The following ZSWIM9 variants were observed in gnomAD, a reference collection of about 807,000 sequenced individuals.
ZSWIM9 encodes the protein uncharacterized protein ZSWIM9.
A neutral mutation model predicts 25.0 loss-of-function variants in ZSWIM9; 11 were observed. That is an observed-to-expected ratio of 0.44 (90% CI 0.28 to 0.73). The LOEUF is 0.73. Ranked by LOEUF, ZSWIM9 falls within the 30% of genes least tolerant of loss-of-function variation. The pLI, the probability that ZSWIM9 is intolerant of heterozygous loss-of-function variation, is 0.16. For missense variants in ZSWIM9, 1,070 were observed against 1,296.5 expected (o/e 0.83, Z 2.68); for synonymous variants, 562 against 582.1 (o/e 0.97, Z 0.50).
intron 3 of ZSWIM9, among the ~76,000 whole-genome samples, chr19:48,191,575 T>C (rs1336793737): frequency 1.3e-5 from 2 of 152,214 alleles, no homozygotes; most frequent in African/African-American, 4.8e-5. Context: ...GTGAACATTC[T>C]GATCACATGG....
At position 48,196,323 on chromosome 19, in the gene ZSWIM9, C is replaced by G. The variant is rs1443747254; in HGVS notation, c.2259C>G (p.Asp753Glu). The G allele has an allele frequency of 8.9e-6, 11 of 1,233,134 alleles. No homozygotes were observed. Among genetic ancestry groups the G allele is most frequent in the Admixed American group, 4.2e-5 (1 of 23,712 alleles). 76.4% of individuals were successfully genotyped at this position (1,233,134 alleles called of 1,614,324 possible). The part of the protein sequence containing the change: ...SRAGRGMEWG[D>E]AGGRCLGLGN... ...CCGGACGAGGGATGGAGTGGGGAGACGCAGGAGGGCGGTGTCTAGGGCTGG... is the reference window on the plus strand; with the variant it reads ...CCGGACGAGGGATGGAGTGGGGAGAGGCAGGAGGGCGGTGTCTAGGGCTGG... Residue 753 changes from aspartate (D) to glutamate (E), a missense_variant, in exon 4 of 4, where the codon GAC becomes GAG. By Grantham distance (45) the Asp-to-Glu change is conservative. Coordinates refer to ENST00000614654, the MANE Select transcript of ZSWIM9 (RefSeq NM_199341.4).
chr19:48,185,485 A>T (rs1163549068), intron 3 of ZSWIM9, among the ~76,000 whole-genome samples: 1 of 152,236 alleles, frequency 6.6e-6, no homozygotes, highest in Non-Finnish European at 1.5e-5. Context: ...CAGGAGAGAC[A>T]GATTAGTGAA....
At chr19:48,171,749 T>A (rs2036817823) in intron 1 of ZSWIM9, 45 bp from the exon 2 acceptor site, 1 of 1,476,602 alleles carries the variant, frequency 6.8e-7, no homozygotes, top group Non-Finnish European at 9.0e-7. Context: ...ATACCCCGGG[T>A]GGGAATGGGT....
At chr19:48,187,447 ATATT>A (rs1381136024) in intron 3 of ZSWIM9, among the ~76,000 whole-genome samples, 1 of 103,404 alleles carries the variant, frequency 9.7e-6, no homozygotes, top group African/African-American at 3.8e-5. Flanking sequence ...TATATATTAT[ATATT>A]ATATATTAAT....
chr19:48,189,035 A>T (rs921370673), intron 3 of ZSWIM9, among the ~76,000 whole-genome samples: 4 of 152,064 alleles, frequency 2.6e-5, no homozygotes, highest in Non-Finnish European at 5.9e-5. Flanking sequence ...CATCTCAAAA[A>T]AAAAGAATAC....
In ZSWIM9 at chr19:48,196,274, G is replaced by C; in HGVS notation, c.2210G>C (p.Arg737Pro). Residue 737 changes from arginine to proline, a missense_variant, in exon 4 of 4, where the codon CGG becomes CCG. Arg to Pro is a moderately radical substitution (Grantham distance 103, BLOSUM62 -2). Coordinates refer to ENST00000614654, the MANE Select transcript of ZSWIM9 (RefSeq NM_199341.4). ...GAGAATGGAGATGGAGGGGGAGCCC[G>C]GTCCGTGGGCCCCAAGAGCCGAGCC... Reference protein sequence around the residue: ...GMENGDGGGARSVGPKSRAGR... With the variant: ...GMENGDGGGAPSVGPKSRAGR... 8.1e-7 allele frequency: 1 copy of C among 1,233,538 alleles called. No individual in the cohort carries two copies. The highest frequency in any genetic ancestry group is 1.0e-6 in the Non-Finnish European group (1 of 989,020). The allele number at this position is 1,233,538 out of a possible 1,614,324, so 76.4% of individuals were successfully genotyped here. A position where few individuals can be genotyped will look rare whatever the true frequency, so the allele number is the denominator to read the frequency against.
chr19:48,178,575 C>CT (rs35292893), intron 2 of ZSWIM9, among the ~76,000 whole-genome samples: 2 of 98,606 alleles, frequency 2.0e-5, no homozygotes, highest in Admixed American at 9.2e-5. Context: ...CTGCAGCCTA[C>CT]TTTTTTTTTT....
At chr19:48,175,590 T>C (rs927214997) in intron 2 of ZSWIM9, among the ~76,000 whole-genome samples, 1 of 151,384 alleles carries the variant, frequency 6.6e-6, no homozygotes, top group Non-Finnish European at 1.5e-5. Flanking sequence ...GTGAGTAGGG[T>C]CAGTTCTGGG....
At chr19:48,186,364 G>C (rs914353614) in intron 3 of ZSWIM9, among the ~76,000 whole-genome samples, 2 of 151,854 alleles carry the variant, frequency 1.3e-5, no homozygotes, top group East Asian at 1.9e-4. Flanking sequence ...GCAGTGGCAC[G>C]CTGTTGGCTC....
Position 48,197,136 on chromosome 19 carries a change from A to AG in ZSWIM9, c.*313dup, listed in dbSNP as rs1162384944. 25 of 644,114 alleles carry AG rather than the reference A, an allele frequency of 3.9e-5. No individual in the cohort carries two copies. The highest frequency in any genetic ancestry group is 6.5e-4 in the Middle Eastern group (2 of 3,064). The allele number at this position is 644,114 out of a possible 1,614,324, so 39.9% of individuals were successfully genotyped here. A position where few individuals can be genotyped will look rare whatever the true frequency, so the allele number is the denominator to read the frequency against. On this transcript the variant is annotated 3_prime_UTR_variant, in exon 4 of 4. Transcript: ENST00000614654. ...GTCAGGCTGGGACAGAAGGAAGGAA[A>AG]GGGGCAGAGCTGGGGGGAGGGGGAG...
At chr19:48,190,952 C>T (rs1410016384) in intron 3 of ZSWIM9, among the ~76,000 whole-genome samples, 1 of 152,192 alleles carries the variant, frequency 6.6e-6, no homozygotes, top group African/African-American at 2.4e-5. Flanking sequence ...GTGCCAGTTA[C>T]TAGCTGTGGG....
chr19:48,182,715 T>C lies in ZSWIM9; in HGVS notation c.536T>C (p.Leu179Pro). ...SYCKGRDHGV[L>P]DALHVLEGLF... ...TGCAAGGGCCGCGACCACGGCGTCC[T>C]GGACGCCCTGCACGTGCTCGAGGGC... Residue 179 changes from leucine (L) to proline (P), a missense_variant, in exon 3 of 4, where the codon CTG becomes CCG. Physicochemically the swap from Leu to Pro is moderately conservative, Grantham distance 98. Transcript: ENST00000614654. The surrounding 1 kb of genome is among the most constrained non-coding windows in gnomAD (Gnocchi z 4.6). 2.0e-6 allele frequency: 3 copies of C among 1,535,182 alleles called. No homozygotes were observed. Among genetic ancestry groups the C allele is most frequent in the Non-Finnish European group, 2.6e-6 (3 of 1,146,288 alleles).
At chr19:48,174,505 C>T (rs527249620) in intron 2 of ZSWIM9, among the ~76,000 whole-genome samples, 29 of 152,240 alleles carry the variant, frequency 1.9e-4, no homozygotes, top group African/African-American at 7.0e-4. Flanking sequence ...AGTGACTTCA[C>T]CTTTCTGTGG....
In ZSWIM9 at chr19:48,195,063, C is replaced by A; in HGVS notation, c.999C>A (p.Gly333=). The A allele has an allele frequency of 7.3e-7, 1 of 1,371,432 alleles. No individual in the cohort carries two copies. The highest frequency in any genetic ancestry group is 1.5e-5 in the South Asian group (1 of 65,922). 85.0% of individuals were successfully genotyped at this position (1,371,432 alleles called of 1,614,324 possible). A position where few individuals can be genotyped will look rare whatever the true frequency, so the allele number is the denominator to read the frequency against. The change falls in exon 4 of 4, where the codon GGC becomes GGA. Residue 333 remains glycine (G), a synonymous_variant. Transcript: ENST00000614654. This position sits in a 1 kb window ranked among gnomAD's most constrained non-coding sequence, Gnocchi z 5.8. ...TCTTCAGCAAGGCGCAGGAGCTGGG[C>A]GGCGCCGGCCGCGAGGACCCGGGCC... ...ETLFSKAQEL[G]GAGREDPGLW... is the part of the protein sequence containing the mutation.
intron 2 of ZSWIM9, among the ~76,000 whole-genome samples, chr19:48,178,780 TG>T (rs765625356): frequency 6.6e-6 from 1 of 152,138 alleles, no homozygotes; most frequent in Non-Finnish European, 1.5e-5. Context: ...TTCCCCACGT[TG>T]GTCAGACTGG....
rs1172178674 is a variant in ZSWIM9 at position 48,172,070 on chromosome 19, G to A, written c.268G>A (p.Ala90Thr). 2.0e-6 allele frequency: 3 copies of A among 1,517,580 alleles called. No homozygotes were observed. The highest frequency in any genetic ancestry group is 2.6e-6 in the Non-Finnish European group (3 of 1,133,558). The allele number at this position is 1,517,580 out of a possible 1,614,324, so 94.0% of individuals were successfully genotyped here. ...CKDVRAPSRP[A>T]VGPPQPGCPA... ...GGACGTGCGTGCGCCCAGCCGGCCC[G>A]CCGTGGGGTGCGTGAACCTGAGCCG... The change falls in exon 2 of 4, where the codon GCC becomes ACC. Residue 90 changes from alanine (A) to threonine (T), a missense_variant. Ala to Thr is a moderately conservative substitution (Grantham distance 58). Around this residue, in one of 4 missense-constraint regions of ZSWIM9, gnomAD observed 265 missense variants for 339.0 expected, o/e 0.78. Coordinates refer to ENST00000614654, the MANE Select transcript of ZSWIM9 (RefSeq NM_199341.4).
intron 3 of ZSWIM9, chr19:48,191,932 T>C (rs1230924352): frequency 6.5e-6 from 1 of 154,764 alleles, no homozygotes; most frequent in Non-Finnish European, 1.5e-5. Flanking sequence ...GCAAATCGCA[T>C]GGGTGACTCC....
chr19:48,176,836 G>T (rs935666452), intron 2 of ZSWIM9, among the ~76,000 whole-genome samples: 1 of 151,830 alleles, frequency 6.6e-6, no homozygotes, highest in Non-Finnish European at 1.5e-5. Context: ...GGCCGAGGTG[G>T]GTGGATTGCC....
chr19:48,188,975 G>A (rs1220356789), intron 3 of ZSWIM9, among the ~76,000 whole-genome samples: 1 of 152,032 alleles, frequency 6.6e-6, no homozygotes, highest in African/African-American at 2.4e-5. Context: ...AGCTTGCAGT[G>A]AGCTGAGCTC....
Sources: allele counts gnomAD v4.1 joint callset (sites outside exome capture counted in the v4.1 genomes callset), GRCh38; gene constraint gnomAD v4.1.1; regional missense constraint gnomAD v4.1.1; non-coding constraint Gnocchi (gnomAD v3.1); transcripts MANE v1.5; gene names NCBI Gene and HGNC (gene_info 2026-07-23, HGNC 2026-07-21).